The following PLCB1 variants were observed in gnomAD, a reference collection of about 807,000 sequenced individuals.
PLCB1 encodes the protein 1-phosphatidylinositol 4,5-bisphosphate phosphodiesterase beta-1.
PLCB1 carries 46 observed loss-of-function variants against 161.8 expected under a neutral mutation model. The observed-to-expected ratio is 0.28, with a 90% CI of 0.22 to 0.36. The LOEUF is 0.36. Ranked by LOEUF, PLCB1 falls within the 10% of genes least tolerant of loss-of-function variation. The pLI, the probability that PLCB1 is intolerant of heterozygous loss-of-function variation, is 1.00. For synonymous variants in PLCB1, 517 were observed against 503.7 expected (o/e 1.03, Z -0.35); for missense variants, 1,016 against 1,472.5 (o/e 0.69, Z 5.07).
chr20:8,193,916 CTTG>C (rs566033014), intron 2 of PLCB1, among the ~76,000 whole-genome samples: 126 of 152,030 alleles, frequency 8.3e-4, no homozygotes, highest in African/African-American at 3.0e-3. Context: ...GTCTTTCTGC[CTTG>C]CTTTCTTCTT....
At chr20:8,503,455 C>T (rs143520130) in intron 3 of PLCB1, among the ~76,000 whole-genome samples, 1 of 152,126 alleles carries the variant, frequency 6.6e-6, no homozygotes, top group Non-Finnish European at 1.5e-5. Flanking sequence ...TCACTTCTCT[C>T]TTACTTGCAG....
At chr20:8,770,307 G>T (rs1982609567) in intron 26 of PLCB1, among the ~76,000 whole-genome samples, 1 of 152,172 alleles carries the variant, frequency 6.6e-6, no homozygotes, top group African/African-American at 2.4e-5. Context: ...GGTGATATTT[G>T]TCACTTTTTC....
intron 3 of PLCB1, among the ~76,000 whole-genome samples, chr20:8,562,889 A>C (rs1015210329): frequency 6.6e-6 from 1 of 152,058 alleles, no homozygotes; most frequent in African/African-American, 2.4e-5. Context: ...AATCAGGAAA[A>C]GTACATAACT....
At chr20:8,831,491 A>G (rs897513589) in intron 31 of PLCB1, 23 of 152,216 alleles carry the variant, frequency 1.5e-4, no homozygotes, top group African/African-American at 5.5e-4. Flanking sequence ...TTTTTAAAGA[A>G]ATAGTGGAGT....
chr20:8,599,468 C>T (rs907872178), intron 3 of PLCB1, among the ~76,000 whole-genome samples: 54 of 145,796 alleles, frequency 3.7e-4, no homozygotes, highest in Admixed American at 5.4e-4. Context: ...CTGAGAGATC[C>T]GCTGATAGTC....
chr20:8,649,260 A>G, intron 6 of PLCB1, 114 bp from the exon 7 acceptor site: 1 of 657,854 alleles, frequency 1.5e-6, no homozygotes, highest in South Asian at 2.0e-5. Flanking sequence ...AGTTCTTTAA[A>G]TATGAATAAT....
chr20:8,802,096 A>G (rs1343827542), intron 31 of PLCB1: 2 of 1,612,856 alleles, frequency 1.2e-6, no homozygotes, highest in Admixed American at 3.3e-5. Flanking sequence ...ACTTGCCATG[A>G]GGATCCCTCT....
At chr20:8,239,908 A>T (rs1280950580) in intron 2 of PLCB1, among the ~76,000 whole-genome samples, 3 of 152,016 alleles carry the variant, frequency 2.0e-5, no homozygotes, top group Non-Finnish European at 4.4e-5. Context: ...TTTGGGTACA[A>T]ATCTATAAAA....
At chr20:8,309,123 A>T (rs988336442) in intron 2 of PLCB1, among the ~76,000 whole-genome samples, 1 of 152,162 alleles carries the variant, frequency 6.6e-6, no homozygotes, top group Non-Finnish European at 1.5e-5. Flanking sequence ...GGAATGAAGA[A>T]TCTGAGGTGG....
At chr20:8,310,877 C>T (rs1437826218) in intron 2 of PLCB1, among the ~76,000 whole-genome samples, 2 of 152,142 alleles carry the variant, frequency 1.3e-5, no homozygotes, top group Non-Finnish European at 2.9e-5. Flanking sequence ...GCTGCATCCA[C>T]GTTGCTGTAG....
At chr20:8,880,128 A>G (rs1438464168) in intron 31 of PLCB1, among the ~76,000 whole-genome samples, 1 of 152,188 alleles carries the variant, frequency 6.6e-6, no homozygotes, top group Non-Finnish European at 1.5e-5. Context: ...TTTTAAGTCC[A>G]TGTCTTAAAA....
intron 2 of PLCB1, among the ~76,000 whole-genome samples, chr20:8,174,306 A>G (rs2051761286): frequency 6.6e-6 from 1 of 152,214 alleles, no homozygotes; most frequent in Admixed American, 6.5e-5. Context: ...CTTATCCGGA[A>G]ACATGGAGAC....
intron 3 of PLCB1, among the ~76,000 whole-genome samples, chr20:8,378,836 T>C (rs1285009839): frequency 6.6e-6 from 1 of 152,264 alleles, no homozygotes; most frequent in African/African-American, 2.4e-5. Context: ...AAATCTTTTG[T>C]TGTCGTTTCA....
intron 3 of PLCB1, among the ~76,000 whole-genome samples, chr20:8,546,944 A>G (rs1309059228): frequency 6.6e-6 from 1 of 152,200 alleles, no homozygotes; most frequent in East Asian, 1.9e-4. Context: ...TCTGGAGAGC[A>G]TAATTTTGCT....
chr20:8,226,681 G>A (rs1189002986), intron 2 of PLCB1, among the ~76,000 whole-genome samples: 1 of 151,378 alleles, frequency 6.6e-6, no homozygotes, highest in Non-Finnish European at 1.5e-5. Context: ...AAAGGAGCAA[G>A]TAAAACTAAT....
intron 3 of PLCB1, among the ~76,000 whole-genome samples, chr20:8,527,379 C>T (rs577280057): frequency 1.6e-4 from 25 of 152,048 alleles, no homozygotes; most frequent in Admixed American, 1.1e-3. Context: ...TATTTTAAAT[C>T]TTACAAATGA....
At chr20:8,276,983 C>CTTATTATTATTATTATTATTA (rs1327121503) in intron 2 of PLCB1, among the ~76,000 whole-genome samples, 1 of 99,238 alleles carries the variant, frequency 1.0e-5, no homozygotes, top group Non-Finnish European at 2.0e-5. Context: ...TCTTCTTCTT[C>CTTATTATTATTATTATTATTA]TTCTTATTAT....
intron 3 of PLCB1, among the ~76,000 whole-genome samples, chr20:8,382,556 T>G (rs1987291954): frequency 6.6e-6 from 1 of 150,458 alleles, no homozygotes; most frequent in East Asian, 1.9e-4. Context: ...GTGTCTTTTT[T>G]TTTTTTTGAG....
intron 31 of PLCB1, among the ~76,000 whole-genome samples, chr20:8,817,356 A>G (rs1329521529): frequency 1.3e-5 from 2 of 152,156 alleles, no homozygotes; most frequent in East Asian, 1.9e-4. Context: ...AGAACTTGGT[A>G]TTGAAACTTG....
Sources: gnomAD v4.1 joint callset for allele counts (sites outside exome capture counted in the v4.1 genomes callset) on GRCh38, gnomAD v4.1.1 for gene constraint, MANE v1.5 for transcripts, NCBI Gene and HGNC (gene_info 2026-07-23, HGNC 2026-07-21) for gene names.